SOHLH2: variants seen among roughly 807,000 people sequenced by gnomAD.
The protein encoded by SOHLH2 is spermatogenesis- and oogenesis-specific basic helix-loop-helix-containing protein 2.
Under a neutral mutation model 50.4 loss-of-function variants are expected in SOHLH2, and 22 were observed. The observed-to-expected ratio is 0.44, with a 90% CI of 0.31 to 0.62. SOHLH2 has a LOEUF of 0.62. SOHLH2 is among the 20% of genes least tolerant of loss of function. SOHLH2 has a pLI of 0.08. For missense variants in SOHLH2, 412 were observed against 504.4 expected (o/e 0.82, Z 1.76); for synonymous variants, 185 against 187.3 (o/e 0.99, Z 0.10).
chr13:36,172,018 CA>C (rs745925506), intron 9 of SOHLH2, among the ~76,000 whole-genome samples: 108 of 152,258 alleles, frequency 7.1e-4, no homozygotes, highest in Non-Finnish European at 1.2e-3. Flanking sequence ...CACTGGTTTT[CA>C]AACGCAAAAA....
chr13:36,168,815 G>A lies in SOHLH2; in HGVS notation c.*219C>T. On this transcript the variant is annotated 3_prime_UTR_variant, in exon 11 of 11. Transcript: ENST00000379881. ...CTCTCTGGCTGGCGGGGATCCAAGT[G>A]TGTATGAAGATGAGTGACAGTGTGT... The A allele has an allele frequency of 1.6e-6, 1 of 620,978 alleles. No homozygotes were observed. Among genetic ancestry groups the A allele is most frequent in the East Asian group, 3.3e-5 (1 of 30,402 alleles). The allele number at this position is 620,978 out of a possible 1,614,324, so 38.5% of individuals were successfully genotyped here.
chr13:36,211,652 T>C (rs1869131878), intron 1 of SOHLH2, among the ~76,000 whole-genome samples: 1 of 152,228 alleles, frequency 6.6e-6, no homozygotes, highest in Non-Finnish European at 1.5e-5. Flanking sequence ...GTCACTTAGT[T>C]CAACTATTTA....
At chr13:36,175,547 G>A (rs1165594455) in intron 6 of SOHLH2, among the ~76,000 whole-genome samples, 1 of 152,076 alleles carries the variant, frequency 6.6e-6, no homozygotes, top group Non-Finnish European at 1.5e-5. Flanking sequence ...TTAAGCCCTT[G>A]GTGGCTTCAT....
Position 36,194,319 on chromosome 13 carries a change from G to A in SOHLH2, c.264-452C>T, listed in dbSNP as rs573046102. On this transcript the variant is annotated intron_variant, in intron 2 of 10. Coordinates refer to ENST00000379881, the MANE Select transcript of SOHLH2 (RefSeq NM_017826.3). ...AAAAAAAATCATAAGGATAAGCAGGGAAATTTGAATGCTAATGGGATATTT... is the reference window on the plus strand; with the variant it reads ...AAAAAAAATCATAAGGATAAGCAGGAAAATTTGAATGCTAATGGGATATTT... Among the ~76,000 whole-genome samples, 10 of 152,238 alleles carry A rather than the reference G, an allele frequency of 6.6e-5. No individual in the cohort carries two copies. The East Asian group carries it at 1.9e-3, about 29-fold the overall frequency.
Position 36,203,954 on chromosome 13 carries a change from G to GTT in SOHLH2, c.49-1863_49-1862dup, listed in dbSNP as rs3080977. On this transcript the variant is annotated intron_variant, in intron 1 of 10. Transcript: ENST00000379881. ...ACTCTGCCTTTAATTCTTTTTTTTT[G>GTT]TTTTTTTTTTTTTTTTTGAGGAGTC... is the stretch of plus-strand genomic sequence containing the variant. Among the ~76,000 whole-genome samples the GTT allele has an allele frequency of 3.1e-4, 34 of 111,122 alleles. 1 individual carries two copies. Among genetic ancestry groups the GTT allele is most frequent in the African/African-American group, 7.5e-4 (21 of 28,038 alleles). 72.9% of individuals were successfully genotyped at this position (111,122 alleles called of 152,430 possible). A position where few individuals can be genotyped will look rare whatever the true frequency, so the allele number is the denominator to read the frequency against.
rs764218457 is a variant in SOHLH2, at chr13:36,184,459, C to CTTTTTTTTTTTTTTTTTTTTTTTT, written c.641+5486_641+5487insAAAAAAAAAAAAAAAAAAAAAAAA. On this transcript the variant is annotated intron_variant, in intron 6 of 10. Transcript: ENST00000379881. ...TGATGGAAGTTTCTACCTACAAAGA[C>CTTTTTTTTTTTTTTTTTTTTTTTT]CTTTTTTTTTTTTTTTTTTTGAGAC... is the stretch of plus-strand genomic sequence containing the variant. Among the ~76,000 whole-genome samples the CTTTTTTTTTTTTTTTTTTTTTTTT allele has an allele frequency of 2.2e-4, 18 of 81,666 alleles. 1 individual carries two copies. Among genetic ancestry groups the CTTTTTTTTTTTTTTTTTTTTTTTT allele is most frequent in the African/African-American group, 8.8e-4 (18 of 20,412 alleles). 53.6% of individuals were successfully genotyped at this position (81,666 alleles called of 152,430 possible). A position where few individuals can be genotyped will look rare whatever the true frequency, so the allele number is the denominator to read the frequency against.
At chr13:36,195,015 G>A (rs185441326) in intron 2 of SOHLH2, among the ~76,000 whole-genome samples, 4 of 152,194 alleles carry the variant, frequency 2.6e-5, no homozygotes, top group Non-Finnish European at 5.9e-5. Flanking sequence ...TTATGTGCCA[G>A]CTCTGTGCTA....
intron 4 of SOHLH2, among the ~76,000 whole-genome samples, 160 bp downstream of exon 4, chr13:36,193,461 A>G (rs1887632843): frequency 6.6e-6 from 1 of 152,264 alleles, no homozygotes; most frequent in Non-Finnish European, 1.5e-5. Context: ...CCCTTGGGCA[A>G]CACATTCTAA....
At chr13:36,204,243 G>A (rs1868615989) in intron 1 of SOHLH2, among the ~76,000 whole-genome samples, 1 of 152,012 alleles carries the variant, frequency 6.6e-6, no homozygotes, top group Non-Finnish European at 1.5e-5. Flanking sequence ...GAGCCACCGT[G>A]CCCAGCCCTT....
At chr13:36,207,896 A>G (rs1277204144) in intron 1 of SOHLH2, among the ~76,000 whole-genome samples, 2 of 152,198 alleles carry the variant, frequency 1.3e-5, no homozygotes, top group Non-Finnish European at 2.9e-5. Flanking sequence ...GGTGTCATAT[A>G]TCAATGAGAG....
chr13:36,182,978 A>G (rs1465368606), intron 6 of SOHLH2: 1 of 155,674 alleles, frequency 6.4e-6, no homozygotes, highest in East Asian at 1.9e-4. Flanking sequence ...TCATGGGGGC[A>G]CTCTAGGGCT....
chr13:36,184,520 C>CAG (rs1887355852), intron 6 of SOHLH2, among the ~76,000 whole-genome samples: 1 of 134,912 alleles, frequency 7.4e-6, no homozygotes. Flanking sequence ...AGTACAGTGG[C>CAG]GCTATCTCGG....
At chr13:36,197,209 C>T (rs553999566) in intron 2 of SOHLH2, among the ~76,000 whole-genome samples, 1 of 152,236 alleles carries the variant, frequency 6.6e-6, no homozygotes, top group African/African-American at 2.4e-5. Context: ...TCATGTTTCA[C>T]GATTACGCTG....
intron 2 of SOHLH2, among the ~76,000 whole-genome samples, chr13:36,194,276 T>G (rs1887658983): frequency 6.6e-6 from 1 of 151,988 alleles, no homozygotes; most frequent in African/African-American, 2.4e-5. Context: ...AATCCTGATT[T>G]GTATAAACTC....
chr13:36,193,325 G>A (rs1400891624), intron 4 of SOHLH2, among the ~76,000 whole-genome samples: 1 of 152,166 alleles, frequency 6.6e-6, no homozygotes, highest in Non-Finnish European at 1.5e-5. Flanking sequence ...ACACAGCACA[G>A]TTAATTCCAT....
Position 36,201,988 on chromosome 13 carries a change from C to G in SOHLH2, c.154G>C (p.Asp52His). 1 of 1,614,180 alleles carries G rather than the reference C, an allele frequency of 6.2e-7. No homozygotes were observed. Among genetic ancestry groups the G allele is most frequent in the Non-Finnish European group, 8.5e-7 (1 of 1,180,032 alleles). ...AAAAGCGCTGCTGCCTCCTTCGTGT[C>G]ACTGATGGTGATGGTGACTTCTGCT... The part of the protein sequence containing the change: ...NIAEVTITIS[D>H]TKEAAALLDD... The change falls in exon 2 of 11, where the codon GAC (aspartate) becomes CAC (histidine). Residue 52 changes from aspartate to histidine, a missense_variant. Physicochemically the swap from Asp to His is moderately conservative, Grantham distance 81 (BLOSUM62 -1). Transcript: ENST00000379881.
intron 5 of SOHLH2, 58 bp downstream of exon 5, chr13:36,191,737 C>T (rs907355863): frequency 6.2e-7 from 1 of 1,603,560 alleles, no homozygotes; most frequent in East Asian, 2.2e-5. Flanking sequence ...CACAAAATAG[C>T]CACAATCAAT....
rs554135808 is a variant in SOHLH2 at position 36,196,415 on chromosome 13, T to G, written c.264-2548A>C. On this transcript the variant is annotated intron_variant, in intron 2 of 10. Coordinates refer to ENST00000379881, the MANE Select transcript of SOHLH2 (RefSeq NM_017826.3). ...TGCTGAGATTACAGGCAAGAGCCAC[T>G]ATGCCTAGCCTCGTATACATATTTT... is the stretch of plus-strand genomic sequence containing the variant. Among the ~76,000 whole-genome samples, 7 of 152,228 alleles carry G rather than the reference T, an allele frequency of 4.6e-5. 1 individual carries two copies. In the South Asian group the frequency reaches 1.5e-3, roughly 32 times the overall value.
chr13:36,209,695 CA>C (rs1420312551), intron 1 of SOHLH2, among the ~76,000 whole-genome samples: 2 of 152,210 alleles, frequency 1.3e-5, no homozygotes, highest in Non-Finnish European at 2.9e-5. Flanking sequence ...AGGGCACAAA[CA>C]TTCAGACTAC....
Sources: gnomAD v4.1 joint callset for allele counts (sites outside exome capture counted in the v4.1 genomes callset) on GRCh38, gnomAD v4.1.1 for gene constraint, MANE v1.5 for transcripts, NCBI Gene and HGNC (gene_info 2026-07-23, HGNC 2026-07-21) for gene names.